Variants in RPAP3 observed in about 807,000 individuals in gnomAD.
RPAP3 encodes RNA polymerase II-associated protein 3.
A neutral mutation model predicts 88.8 loss-of-function variants in RPAP3; 58 were observed. The ratio of observed to expected loss-of-function variants is 0.65; its 90% CI spans 0.53 to 0.81. The LOEUF (loss-of-function observed/expected upper bound fraction) is 0.81, where lower values mean the gene tolerates loss of function less well. Ranked by LOEUF, RPAP3 falls within the 40% of genes least tolerant of loss-of-function variation. The pLI, the probability that RPAP3 is intolerant of heterozygous loss-of-function variation, is 0.00. For missense variants in RPAP3, 751 were observed against 764.3 expected (o/e 0.98, Z 0.20); for synonymous variants, 255 against 259.9 (o/e 0.98, Z 0.18).
At chr12:47,687,817 G>T in intron 8 of RPAP3, 59 bp downstream of exon 8, 5 of 1,534,714 alleles carry the variant, frequency 3.3e-6, no homozygotes, top group Non-Finnish European at 2.6e-6. Context: ...TGATATACAA[G>T]AAATAAATCA....
chr12:47,688,047 A>G, intron 7 of RPAP3, 46 bp from the exon 8 acceptor site: 1 of 1,532,858 alleles, frequency 6.5e-7, no homozygotes, highest in Non-Finnish European at 8.8e-7. Context: ...GTAATGCAAG[A>G]TGCATATATA....
intron 8 of RPAP3, among the ~76,000 whole-genome samples, chr12:47,687,583 G>A (rs1470783516): frequency 6.6e-6 from 1 of 152,070 alleles, no homozygotes; most frequent in Non-Finnish European, 1.5e-5. Flanking sequence ...AGAATGGATT[G>A]TAATTAACTT....
intron 12 of RPAP3, among the ~76,000 whole-genome samples, chr12:47,675,218 G>A (rs949151646): frequency 2.0e-5 from 3 of 152,092 alleles, no homozygotes; most frequent in African/African-American, 7.2e-5. Context: ...GTCACCACCC[G>A]GCTTGCCTTA....
At chr12:47,671,694 GAT>G (rs1480186527) in intron 12 of RPAP3, among the ~76,000 whole-genome samples, 4 of 152,140 alleles carry the variant, frequency 2.6e-5, no homozygotes, top group Non-Finnish European at 5.9e-5. Flanking sequence ...ATCAAGAATG[GAT>G]ATGTGTATTA....
chr12:47,690,828 T>C (rs1461289249), intron 5 of RPAP3, among the ~76,000 whole-genome samples, 189 bp from the exon 6 acceptor site: 2 of 152,230 alleles, frequency 1.3e-5, no homozygotes, highest in East Asian at 1.9e-4. Context: ...TATTGTGGGT[T>C]TGATTCTAGA....
chr12:47,672,215 C>T (rs1939013640), intron 12 of RPAP3, among the ~76,000 whole-genome samples: 1 of 152,148 alleles, frequency 6.6e-6, no homozygotes, highest in Non-Finnish European at 1.5e-5. Flanking sequence ...GCTCTCCTAC[C>T]CTCTGTCTAG....
intron 2 of RPAP3, among the ~76,000 whole-genome samples, chr12:47,702,049 T>C (rs974347458): frequency 6.6e-6 from 1 of 152,232 alleles, no homozygotes; most frequent in Non-Finnish European, 1.5e-5. Flanking sequence ...TATGCCAATA[T>C]GGTATGTTAA....
intron 12 of RPAP3, among the ~76,000 whole-genome samples, chr12:47,671,514 C>T (rs932685941): frequency 6.6e-6 from 1 of 151,372 alleles, no homozygotes; most frequent in Non-Finnish European, 1.5e-5. Context: ...AAGATATGAC[C>T]CCAATGGTAA....
chr12:47,670,122 T>C lies in RPAP3; in HGVS notation c.1511A>G (p.Asp504Gly), dbSNP rs113096543. 9.4e-6 allele frequency: 15 copies of C among 1,598,666 alleles called. No individual in the cohort carries two copies. In the African/African-American group the frequency reaches 9.4e-5, roughly 10 times the overall value. ...AKVLKIEEVSDTSSLQPQASL... is the reference protein window; with the variant it reads ...AKVLKIEEVSGTSSLQPQASL... Reference sequence around the variant, plus strand: ...TTCTACTCACTGCAGGGATGAAGTATCACTGACTTCTTCTATTTTCAATAC... The same window carrying C: ...TTCTACTCACTGCAGGGATGAAGTACCACTGACTTCTTCTATTTTCAATAC... Residue 504 changes from aspartate (D) to glycine (G), a missense_variant, in exon 13 of 17, where the codon GAT (aspartate) becomes GGT (glycine). Asp to Gly is a moderately conservative substitution (Grantham distance 94). Transcript: ENST00000005386.
chr12:47,703,879 A>T (rs763878716), intron 1 of RPAP3, among the ~76,000 whole-genome samples: 1 of 152,212 alleles, frequency 6.6e-6, no homozygotes, highest in Non-Finnish European at 1.5e-5. Context: ...AGAAAGACTC[A>T]AACAGTGGCC....
At chr12:47,705,648 C>T (rs1384790204) in intron 1 of RPAP3, among the ~76,000 whole-genome samples, 1 of 152,226 alleles carries the variant, frequency 6.6e-6, no homozygotes, top group East Asian at 1.9e-4. Flanking sequence ...GGGCGGGCCC[C>T]ACCTCGGTCT....
At chr12:47,666,765 C>A (rs1014753468) in intron 16 of RPAP3, among the ~76,000 whole-genome samples, 3 of 152,148 alleles carry the variant, frequency 2.0e-5, no homozygotes, top group African/African-American at 7.2e-5. Context: ...ACCTACACTT[C>A]ATAATATTGT....
At chr12:47,705,453 G>C (rs569759917) in intron 1 of RPAP3, among the ~76,000 whole-genome samples, 2 of 152,334 alleles carry the variant, frequency 1.3e-5, no homozygotes, top group African/African-American at 4.8e-5. Flanking sequence ...TCAGTGAGAT[G>C]CTGACGGGGG....
intron 13 of RPAP3, 72 bp downstream of exon 13, chr12:47,670,035 C>G (rs1373075338): frequency 1.0e-6 from 1 of 968,232 alleles, no homozygotes; most frequent in East Asian, 2.4e-5. Flanking sequence ...AATCAGAAGT[C>G]TCAGTAATAT....
Position 47,668,595 on chromosome 12 carries a change from T to C in RPAP3, c.1713+321A>G, listed in dbSNP as rs1026933744. Among the ~76,000 whole-genome samples the C allele has an allele frequency of 3.3e-5, 5 of 152,234 alleles. No homozygotes were observed. The East Asian group carries it at 7.7e-4, about 23-fold the overall frequency. On this transcript the variant is annotated intron_variant, in intron 14 of 16. Transcript: ENST00000005386. ...AATATTAGAAGAATGATTGCCTACA[T>C]ATTGCAAGCACTGCTTGGCACACAG...
chr12:47,672,092 A>C (rs987174732), intron 12 of RPAP3, among the ~76,000 whole-genome samples: 1 of 152,098 alleles, frequency 6.6e-6, no homozygotes, highest in Non-Finnish European at 1.5e-5. Flanking sequence ...ATGAAGAAAA[A>C]AAAAGGAAAT....
rs1412674210 is a variant in RPAP3, at chr12:47,679,779, A to G, written c.1115-5T>C. 4 of 1,596,100 alleles carry G rather than the reference A, an allele frequency of 2.5e-6. No homozygotes were observed. The highest frequency in any genetic ancestry group is 3.4e-6 in the Non-Finnish European group (4 of 1,168,074). ...GAAGTAAAACAGTTTCAAAATCTAA[A>G]GCGAATTTTTTAAAAACATTACAAC... is the stretch of plus-strand genomic sequence containing the variant. On this transcript the variant is annotated splice_region_variant and splice_polypyrimidine_tract_variant and intron_variant, in intron 10 of 16. Coordinates refer to ENST00000005386, the MANE Select transcript of RPAP3 (RefSeq NM_024604.3).
chr12:47,690,492 T>C (rs757900649), intron 6 of RPAP3, 26 bp downstream of exon 6: 7 of 1,572,942 alleles, frequency 4.5e-6, no homozygotes, highest in Non-Finnish European at 6.0e-6. Flanking sequence ...TGTTAAAGAA[T>C]TCTTTAGAGA....
chr12:47,676,350 A>G (rs191027125), intron 12 of RPAP3, among the ~76,000 whole-genome samples: 2 of 152,330 alleles, frequency 1.3e-5, no homozygotes, highest in African/African-American at 4.8e-5. Context: ...GAGAAGCAAG[A>G]GCAAACAAAT....
Sources: gnomAD v4.1 joint callset for allele counts (sites outside exome capture counted in the v4.1 genomes callset) on GRCh38, gnomAD v4.1.1 for gene constraint, MANE v1.5 for transcripts, NCBI Gene and HGNC (gene_info 2026-07-23, HGNC 2026-07-21) for gene names.